GABRR2: variants seen among roughly 807,000 people sequenced by gnomAD.
The protein encoded by GABRR2 is gamma-aminobutyric acid type A receptor subunit rho2, also known as gamma-aminobutyric acid receptor subunit rho-2.
In GABRR2, 36 loss-of-function variants were observed where a neutral mutation model predicts 47.0. The ratio of observed to expected loss-of-function variants is 0.77; its 90% CI spans 0.59 to 1.01. The LOEUF (loss-of-function observed/expected upper bound fraction) is 1.01, where lower values mean the gene tolerates loss of function less well. Ranked by LOEUF, GABRR2 falls within the 50% of genes least tolerant of loss-of-function variation. The pLI is 0.00. For missense variants in GABRR2, 587 were observed against 594.6 expected (o/e 0.99, Z 0.13); for synonymous variants, 204 against 227.5 (o/e 0.90, Z 0.93).
chr6:89,271,564 C>T (rs1774050085), intron 3 of GABRR2, 91 bp downstream of exon 3: 6 of 1,159,304 alleles, frequency 5.2e-6, no homozygotes, highest in Non-Finnish European at 7.5e-6. Flanking sequence ...TCACCTCCAG[C>T]TCCCGCTCTG....
At position 89,276,850 on chromosome 6, in the gene GABRR2, AT is replaced by A. The variant is rs539023045; in HGVS notation, c.221-5129del. 3.0e-4 allele frequency among the ~76,000 whole-genome samples: 46 copies of A among 152,296 alleles called. No homozygotes were observed. In the East Asian group the frequency reaches 7.3e-3, roughly 24 times the overall value. ...TATACCAGCAGAGTTTTAAAAAATG[AT>A]TTTTTTAAAGTATCATTTATGAAAT... On this transcript the variant is annotated intron_variant, in intron 2 of 8. Transcript: ENST00000402938.
chr6:89,300,225 G>T (rs919000221), intron 1 of GABRR2, among the ~76,000 whole-genome samples: 3 of 152,132 alleles, frequency 2.0e-5, no homozygotes, highest in African/African-American at 7.2e-5. Flanking sequence ...AAATGAGAAA[G>T]GGGGCTAGGT....
rs200742310 is a variant in GABRR2, at chr6:89,254,887, ACT to A, written c.*2781_*2782del. ...GTATCATGGCCCTGCATGATAAAAC[ACT>A]GTTTATGATTCTAAATATGTCTGCT... On this transcript the variant is annotated 3_prime_UTR_variant, in exon 9 of 9. Transcript: ENST00000402938. Among the ~76,000 whole-genome samples the A allele has an allele frequency of 0.019, 2,889 of 152,294 alleles. 40 individuals are homozygous for A. The highest frequency in any genetic ancestry group is 0.031 in the Middle Eastern group (9 of 292).
At position 89,307,134 on chromosome 6, in the gene GABRR2, A is replaced by T. The variant is rs569825369; in HGVS notation, c.114-7269T>A. Among the ~76,000 whole-genome samples, 3 of 152,202 alleles carry T rather than the reference A, an allele frequency of 2.0e-5. No homozygotes were observed. The South Asian group carries it at 6.2e-4, about 32-fold the overall frequency. ...TTCCATTCTAGTACATTTGGTCAAC[A>T]TCATCTGTAACCCAGATGCTTCTCA... On this transcript the variant is annotated intron_variant, in intron 1 of 8. Transcript: ENST00000402938.
At chr6:89,267,867 CA>C (rs1773940779) in intron 5 of GABRR2, 48 bp from the exon 6 acceptor site, 1 of 1,602,222 alleles carries the variant, frequency 6.2e-7, no homozygotes, top group East Asian at 2.2e-5. Flanking sequence ...GCTTCTGATG[CA>C]GGGTGAAGTA....
chr6:89,288,511 G>A (rs1582454435), intron 2 of GABRR2, among the ~76,000 whole-genome samples: 1 of 152,132 alleles, frequency 6.6e-6, no homozygotes, highest in Admixed American at 6.5e-5. Flanking sequence ...CTGCATGAGA[G>A]CCCCAGTGAG....
chr6:89,281,561 G>T (rs150686234), intron 2 of GABRR2, among the ~76,000 whole-genome samples: 5 of 151,320 alleles, frequency 3.3e-5, no homozygotes, highest in African/African-American at 7.3e-5. Context: ...AGATGTGCAC[G>T]TTTTTTTTTA....
chr6:89,283,028 T>C (rs1182685693), intron 2 of GABRR2, among the ~76,000 whole-genome samples: 1 of 152,256 alleles, frequency 6.6e-6, no homozygotes, highest in Non-Finnish European at 1.5e-5. Context: ...ATGATTCAGC[T>C]TTCTAAGGCT....
At chr6:89,292,998 C>T (rs993674817) in intron 2 of GABRR2, among the ~76,000 whole-genome samples, 6 of 151,586 alleles carry the variant, frequency 4.0e-5, no homozygotes, top group Non-Finnish European at 8.8e-5. Flanking sequence ...CAGATATTTG[C>T]ACATCCATAT....
At chr6:89,264,703 C>T in intron 7 of GABRR2, 95 bp from the exon 8 acceptor site, 1 of 1,457,966 alleles carries the variant, frequency 6.9e-7, no homozygotes, top group Non-Finnish European at 9.4e-7. Context: ...ATCTCTTAAA[C>T]CACATGAGAA....
At chr6:89,264,692 T>G in intron 7 of GABRR2, 84 bp from the exon 8 acceptor site, 137 of 1,494,412 alleles carry the variant, frequency 9.2e-5, no homozygotes, top group Non-Finnish European at 1.2e-4. Context: ...TTACACTCTC[T>G]ATCTCTTAAA....
chr6:89,270,669 C>T (rs186399060), intron 3 of GABRR2, among the ~76,000 whole-genome samples: 1 of 152,162 alleles, frequency 6.6e-6, no homozygotes, highest in African/African-American at 2.4e-5. Flanking sequence ...ATGCTGGGTC[C>T]GTTAGGAGCA....
Position 89,257,933 on chromosome 6 carries a change from C to T in GABRR2, c.1135G>A (p.Gly379Arg). Residue 379 changes from glycine (G) to arginine (R), a missense_variant, in exon 9 of 9, where the codon GGA becomes AGA. Coordinates refer to ENST00000402938, the MANE Select transcript of GABRR2 (RefSeq NM_002043.5). ...MLHSKTMMLDGSYSESEANSL... is the reference protein window; with the variant it reads ...MLHSKTMMLDRSYSESEANSL... ...TTGGCCTCAGACTCACTGTAGCTTC[C>T]ATCCAGCATCATGGTTTTTGAATGA... 1.2e-6 allele frequency: 2 copies of T among 1,613,946 alleles called. No individual in the cohort carries two copies. The highest frequency in any genetic ancestry group is 1.7e-6 in the Non-Finnish European group (2 of 1,179,868).
intron 1 of GABRR2, among the ~76,000 whole-genome samples, chr6:89,306,098 C>T (rs987158240): frequency 6.7e-4 from 101 of 149,910 alleles, no homozygotes; most frequent in Admixed American, 2.0e-4. Flanking sequence ...ATTTCTTGGC[C>T]GAGTGCAGTG....
chr6:89,289,747 T>C (rs1774403069), intron 2 of GABRR2, among the ~76,000 whole-genome samples: 1 of 152,192 alleles, frequency 6.6e-6, no homozygotes, highest in Non-Finnish European at 1.5e-5. Context: ...GTTCATTTTG[T>C]GTTGCTATAA....
intron 2 of GABRR2, among the ~76,000 whole-genome samples, chr6:89,284,751 A>G (rs1201224274): frequency 1.3e-5 from 2 of 152,232 alleles, no homozygotes; most frequent in African/African-American, 4.8e-5. Flanking sequence ...TCTGAACCAC[A>G]GAACTGTAAG....
At position 89,299,747 on chromosome 6, in the gene GABRR2, G is replaced by A. The variant is rs1194211616; in HGVS notation, c.220+12C>T. On this transcript the variant is annotated intron_variant, in intron 2 of 8. Transcript: ENST00000402938. ...CAACCTCCCACCTGGCATCAAGGAAGAACAGTCCTACCTCCGAAGGCGGGT... is the reference window on the plus strand; with the variant it reads ...CAACCTCCCACCTGGCATCAAGGAAAAACAGTCCTACCTCCGAAGGCGGGT... 2 of 1,597,968 alleles carry A rather than the reference G, an allele frequency of 1.3e-6. No homozygotes were observed. Among genetic ancestry groups the A allele is most frequent in the Admixed American group, 1.7e-5 (1 of 60,000 alleles).
chr6:89,276,298 C>T lies in GABRR2; in HGVS notation c.221-4576G>A, dbSNP rs544016232. On this transcript the variant is annotated intron_variant, in intron 2 of 8. Transcript: ENST00000402938. ...TGAAATAAGATAGACTTTAAAATATCGAAGTTTACTATGTGCAAATAGATT... is the reference window on the plus strand; with the variant it reads ...TGAAATAAGATAGACTTTAAAATATTGAAGTTTACTATGTGCAAATAGATT... Among the ~76,000 whole-genome samples the T allele has an allele frequency of 2.0e-4, 31 of 151,462 alleles. No homozygotes were observed. In the South Asian group the frequency reaches 5.6e-3, roughly 27 times the overall value.
At chr6:89,266,649 G>A (rs754582491) in intron 6 of GABRR2, among the ~76,000 whole-genome samples, 5 of 152,192 alleles carry the variant, frequency 3.3e-5, no homozygotes, top group African/African-American at 4.8e-5. Flanking sequence ...ATGCCCAGGC[G>A]AGTGTACAGT....
Sources: allele counts gnomAD v4.1 joint callset (sites outside exome capture counted in the v4.1 genomes callset), GRCh38; gene constraint gnomAD v4.1.1; transcripts MANE v1.5; gene names NCBI Gene and HGNC (gene_info 2026-07-23, HGNC 2026-07-21).